Variants in TWF1 observed in about 807,000 individuals in gnomAD.
TWF1 encodes twinfilin actin binding protein 1.
Under a neutral mutation model 47.9 loss-of-function variants are expected in TWF1, and 14 were observed. The observed-to-expected ratio is 0.29, with a 90% CI of 0.19 to 0.46. The LOEUF (loss-of-function observed/expected upper bound fraction) is 0.46. TWF1 is among the 20% of genes least tolerant of loss of function. The probability of loss-of-function intolerance (pLI) is 1.00; values close to 1 mark genes in which losing one functional copy is unlikely to be tolerated. For synonymous variants in TWF1, 96 were observed against 139.2 expected (o/e 0.69, Z 2.18); for missense variants, 281 against 409.3 (o/e 0.69, Z 2.70).
chr12:43,797,682 C>G, intron 6 of TWF1, 26 bp downstream of exon 6: 1 of 1,606,084 alleles, frequency 6.2e-7, no homozygotes, highest in Non-Finnish European at 8.5e-7. Flanking sequence ...AGAGCAGCCA[C>G]TTAATAATCA....
At chr12:43,805,522 A>T (rs1334342688) in intron 1 of TWF1, 1 of 456,392 alleles carries the variant, frequency 2.2e-6, no homozygotes, top group African/African-American at 2.0e-5. Flanking sequence ...TGAGGTGAGT[A>T]CCTGCAGGCT....
Position 43,798,392 on chromosome 12 carries a change from G to A in TWF1, c.484-559C>T, listed in dbSNP as rs781159295. On this transcript the variant is annotated intron_variant, in intron 5 of 8. Transcript: ENST00000395510. ...GGAGAAAGATAAGAAAGCATTCAATGCACATGTTTAAGATTTTTATACTTG... is the reference window on the plus strand; with the variant it reads ...GGAGAAAGATAAGAAAGCATTCAATACACATGTTTAAGATTTTTATACTTG... 3.9e-4 allele frequency among the ~76,000 whole-genome samples: 60 copies of A among 152,034 alleles called. 1 individual carries two copies. Among genetic ancestry groups the A allele is most frequent in the Non-Finnish European group, 2.9e-4 (20 of 67,944 alleles).
Position 43,795,447 on chromosome 12 carries a change from C to T in TWF1, c.*138G>A, listed in dbSNP as rs1942531704. 1 of 668,368 alleles carries T rather than the reference C, an allele frequency of 1.5e-6. No homozygotes were observed. Among genetic ancestry groups the T allele is most frequent in the Non-Finnish European group, 2.5e-6 (1 of 407,352 alleles). 41.4% of individuals were successfully genotyped at this position (668,368 alleles called of 1,614,324 possible). The stretch of plus-strand genomic sequence containing the variant: ...TTCTATAACATTAATTTTAAAAACA[C>T]ACAGAAGTGAAAAGTGCTATTTTCC... On this transcript the variant is annotated 3_prime_UTR_variant, in exon 9 of 9. Transcript: ENST00000395510.
At chr12:43,797,242 A>G in intron 7 of TWF1, 60 bp downstream of exon 7, 2 of 1,507,410 alleles carry the variant, frequency 1.3e-6, no homozygotes, top group Non-Finnish European at 1.8e-6. Flanking sequence ...GTAAGAATAT[A>G]GGGCTGATAC....
chr12:43,803,623 C>A (rs1942702782), intron 2 of TWF1, among the ~76,000 whole-genome samples: 1 of 152,062 alleles, frequency 6.6e-6, no homozygotes, highest in Non-Finnish European at 1.5e-5. Context: ...AGTTCCTTAA[C>A]TAGTCACTTA....
intron 2 of TWF1, among the ~76,000 whole-genome samples, chr12:43,803,462 T>C (rs1342917529): frequency 6.6e-6 from 1 of 152,104 alleles, no homozygotes; most frequent in African/African-American, 2.4e-5. Context: ...AAAGGGGAGA[T>C]ATAGGTATTT....
chr12:43,798,636 ATCAC>A, intron 5 of TWF1: 3 of 1,428,994 alleles, frequency 2.1e-6, no homozygotes, highest in Non-Finnish European at 2.8e-6. Context: ...AAAAAAAAAA[ATCAC>A]ATAAAAAGCC....
intron 1 of TWF1, 146 bp downstream of exon 1, chr12:43,806,075 G>A (rs1196486238): frequency 6.6e-7 from 1 of 1,517,590 alleles, no homozygotes; most frequent in Non-Finnish European, 8.8e-7. Flanking sequence ...GCAGGAGCGC[G>A]GAGAGGCGCC....
intron 1 of TWF1, chr12:43,805,906 A>C: frequency 1.4e-6 from 2 of 1,477,030 alleles, no homozygotes; most frequent in African/African-American, 1.4e-5. Flanking sequence ...AAAAGGGGGA[A>C]AGTTGGGCGA....
intron 7 of TWF1, 43 bp from the exon 8 acceptor site, chr12:43,797,140 C>A (rs763634711): frequency 2.0e-6 from 3 of 1,526,862 alleles, no homozygotes; most frequent in Admixed American, 4.1e-5. Context: ...CATATCAATA[C>A]ATAAACTTCA....
At chr12:43,801,559 T>C (rs1942661871) in intron 3 of TWF1, among the ~76,000 whole-genome samples, 1 of 152,222 alleles carries the variant, frequency 6.6e-6, no homozygotes, top group African/African-American at 2.4e-5. Flanking sequence ...CCAGCTTTCC[T>C]AAAATACTTG....
intron 1 of TWF1, 93 bp downstream of exon 1, chr12:43,806,128 G>A (rs977618919): frequency 6.5e-7 from 1 of 1,527,242 alleles, no homozygotes; most frequent in Non-Finnish European, 8.8e-7. Flanking sequence ...GGAGCTCCCG[G>A]CCCGACTCCA....
At chr12:43,798,616 A>G in intron 5 of TWF1, 5 of 1,501,838 alleles carry the variant, frequency 3.3e-6, no homozygotes, top group Non-Finnish European at 4.4e-6. Flanking sequence ...AAACTATCAA[A>G]CTCGTAAAAA....
At position 43,794,472 on chromosome 12, in the gene TWF1, A is replaced by C. The variant is rs1363102976; in HGVS notation, c.*1113T>G. ...TAAAGTTTAGATCAAGAAATTACAA[A>C]TCCTGGATCCCCACAGTTCATTTAG... On this transcript the variant is annotated 3_prime_UTR_variant, in exon 9 of 9. Transcript: ENST00000395510. The C allele has an allele frequency of 1.3e-5, 2 of 150,252 alleles. No individual in the cohort carries two copies. The highest frequency in any genetic ancestry group is 3.0e-5 in the Non-Finnish European group (2 of 67,572). The allele number at this position is 150,252 out of a possible 1,614,324, so 9.3% of individuals were successfully genotyped here.
chr12:43,801,165 A>G (rs1437006980), intron 3 of TWF1, among the ~76,000 whole-genome samples: 1 of 152,262 alleles, frequency 6.6e-6, no homozygotes, highest in Non-Finnish European at 1.5e-5. Context: ...TAACTTTGAT[A>G]GTGACATTCT....
At chr12:43,804,713 C>A in intron 1 of TWF1, 141 bp from the exon 2 acceptor site, 1 of 529,336 alleles carries the variant, frequency 1.9e-6, no homozygotes, top group Non-Finnish European at 3.4e-6. Context: ...AAAACTTTAC[C>A]GCATAAAATA....
intron 8 of TWF1, 87 bp downstream of exon 8, chr12:43,796,889 A>G: frequency 7.3e-7 from 1 of 1,361,854 alleles, no homozygotes; most frequent in Non-Finnish European, 1.0e-6. Flanking sequence ...AAATATTTTC[A>G]TTTATAAATC....
intron 7 of TWF1, 96 bp downstream of exon 7, chr12:43,797,206 A>G: frequency 6.8e-7 from 1 of 1,474,724 alleles, no homozygotes. Flanking sequence ...ATAAAACTAC[A>G]GCTAAGCCCT....
chr12:43,797,905 C>G, intron 5 of TWF1, 72 bp from the exon 6 acceptor site: 1 of 1,496,740 alleles, frequency 6.7e-7, no homozygotes, highest in Non-Finnish European at 9.1e-7. Context: ...GAAAACCCAA[C>G]CTCTATAAAA....
Sources: gnomAD v4.1 joint callset for allele counts (sites outside exome capture counted in the v4.1 genomes callset) on GRCh38, gnomAD v4.1.1 for gene constraint, MANE v1.5 for transcripts, NCBI Gene and HGNC (gene_info 2026-07-23, HGNC 2026-07-21) for gene names.